ETV6: variants seen among roughly 807,000 people sequenced by gnomAD.
ETV6 encodes ETS variant transcription factor 6.
A neutral mutation model predicts 51.1 loss-of-function variants in ETV6; 16 were observed. The observed-to-expected ratio is 0.31, with a 90% confidence interval of 0.21 to 0.48. The LOEUF (loss-of-function observed/expected upper bound fraction) is 0.48, where lower values mean the gene tolerates loss of function less well. Among genes scored for constraint, ETV6 ranks in the 20% least tolerant of loss-of-function variants. ETV6 has a pLI of 0.99. For missense variants in ETV6, 458 were observed against 594.8 expected, an observed-to-expected ratio of 0.77 and a Z score of 2.39; for synonymous variants, 240 against 224.1, an observed-to-expected ratio of 1.07 and a Z score of -0.64.
chr12:11,885,404 C>T (rs997416360), intron 6 of ETV6, among the ~76,000 whole-genome samples: 1 of 152,248 alleles, frequency 6.6e-6, no homozygotes, highest in African/African-American at 2.4e-5. Context: ...GCTACTCCCA[C>T]TGTACCATTG....
At position 11,832,737 on chromosome 12, in the gene ETV6, C is replaced by T. The variant is rs187800543; in HGVS notation, c.164-6403C>T. Among the ~76,000 whole-genome samples the T allele has an allele frequency of 2.3e-3, 350 of 152,292 alleles. 2 individuals carry two copies. Among genetic ancestry groups the T allele is most frequent in the South Asian group, 9.5e-3 (46 of 4,828 alleles). Reference sequence around the variant, plus strand: ...ATTTCAGGATATCAGGAAGGCGTTTCGTTGAATTTCTGATGTTGCTTTCAT... The same window carrying T: ...ATTTCAGGATATCAGGAAGGCGTTTTGTTGAATTTCTGATGTTGCTTTCAT... On this transcript the variant is annotated intron_variant, in intron 2 of 7. Transcript: ENST00000396373.
intron 1 of ETV6, among the ~76,000 whole-genome samples, chr12:11,685,613 T>C (rs1864614582): frequency 6.6e-6 from 1 of 152,110 alleles, no homozygotes; most frequent in Middle Eastern, 3.2e-3. Flanking sequence ...CACGTGTGTG[T>C]GTATTTTCAT....
intron 2 of ETV6, among the ~76,000 whole-genome samples, chr12:11,781,220 A>G (rs1263481650): frequency 6.6e-6 from 1 of 152,190 alleles, no homozygotes; most frequent in Admixed American, 6.5e-5. Context: ...GACCTCAGAG[A>G]TGATATATTT....
intron 1 of ETV6, among the ~76,000 whole-genome samples, chr12:11,685,636 G>A (rs1864615387): frequency 6.6e-6 from 1 of 152,158 alleles, no homozygotes; most frequent in African/African-American, 2.4e-5. Flanking sequence ...ACATATGAAT[G>A]TGTATGTGGG....
chr12:11,692,857 C>T (rs533060506), intron 1 of ETV6, among the ~76,000 whole-genome samples: 5 of 152,050 alleles, frequency 3.3e-5, no homozygotes, highest in African/African-American at 9.6e-5. Flanking sequence ...CAAGACCAGC[C>T]TGGGCAACAT....
chr12:11,671,684 ACCAAGGC>A (rs914416872), intron 1 of ETV6, among the ~76,000 whole-genome samples: 1 of 152,174 alleles, frequency 6.6e-6, no homozygotes, highest in Admixed American at 6.5e-5. Context: ...GGAATTTCAG[ACCAAGGC>A]CCAAAGCTCG....
intron 2 of ETV6, among the ~76,000 whole-genome samples, chr12:11,825,246 A>G (rs985362053): frequency 6.6e-6 from 1 of 152,262 alleles, no homozygotes; most frequent in South Asian, 2.1e-4. Context: ...CATTTCAGAA[A>G]TGAAGAGTTA....
At chr12:11,889,766 G>T (rs1403569485) in intron 7 of ETV6, among the ~76,000 whole-genome samples, 1 of 152,238 alleles carries the variant, frequency 6.6e-6, no homozygotes, top group Non-Finnish European at 1.5e-5. Context: ...GATGAGCAGA[G>T]CAAAGGATGC....
At chr12:11,847,736 G>C (rs1039416193) in intron 3 of ETV6, among the ~76,000 whole-genome samples, 1 of 152,160 alleles carries the variant, frequency 6.6e-6, no homozygotes, top group Non-Finnish European at 1.5e-5. Context: ...GGAAGGTGAG[G>C]AAGTGGTGAG....
intron 2 of ETV6, among the ~76,000 whole-genome samples, chr12:11,802,254 G>A (rs1945761414): frequency 6.6e-6 from 1 of 152,074 alleles, no homozygotes; most frequent in Admixed American, 6.5e-5. Context: ...TCCCTGGGAT[G>A]GTATTTTCCA....
intron 1 of ETV6, among the ~76,000 whole-genome samples, chr12:11,689,539 G>C (rs968215063): frequency 1.3e-5 from 2 of 152,136 alleles, no homozygotes; most frequent in African/African-American, 4.8e-5. Flanking sequence ...AATGTCCACA[G>C]TTAGGCTAAC....
chr12:11,771,474 G>C (rs1945240689), intron 2 of ETV6, among the ~76,000 whole-genome samples: 1 of 152,176 alleles, frequency 6.6e-6, no homozygotes, highest in South Asian at 2.1e-4. Context: ...AGTGGGGGTA[G>C]AGAAACCCTT....
chr12:11,851,312 A>G (rs1188952785), intron 3 of ETV6, among the ~76,000 whole-genome samples: 1 of 152,170 alleles, frequency 6.6e-6, no homozygotes, highest in Non-Finnish European at 1.5e-5. Flanking sequence ...ATACTACCAA[A>G]AAAACCAGAT....
At chr12:11,651,692 G>A (rs2724647) in intron 1 of ETV6, among the ~76,000 whole-genome samples, 3,158 of 152,204 alleles carry the variant, frequency 0.021, 103 homozygotes, top group African/African-American at 0.071. Flanking sequence ...AAATCCTGCG[G>A]TATAGATAAT....
At chr12:11,729,734 C>T (rs1865557912) in intron 1 of ETV6, among the ~76,000 whole-genome samples, 1 of 152,182 alleles carries the variant, frequency 6.6e-6, no homozygotes, top group Non-Finnish European at 1.5e-5. Flanking sequence ...CTGTACTGGG[C>T]ATTACTATTT....
chr12:11,878,810 A>G (rs1947036198), intron 5 of ETV6, among the ~76,000 whole-genome samples: 1 of 137,740 alleles, frequency 7.3e-6, no homozygotes, highest in African/African-American at 2.8e-5. Context: ...GCTGATCTAG[A>G]ATAGAGGAGG....
At chr12:11,887,331 A>G (rs912092977) in intron 7 of ETV6, among the ~76,000 whole-genome samples, 1 of 152,174 alleles carries the variant, frequency 6.6e-6, no homozygotes, top group Non-Finnish European at 1.5e-5. Context: ...ATCCAGCTCT[A>G]AAATCTCCCT....
chr12:11,890,820 T>C (rs1208765569), intron 7 of ETV6, 121 bp from the exon 8 acceptor site: 1 of 775,454 alleles, frequency 1.3e-6, no homozygotes, highest in Non-Finnish European at 2.2e-6. Context: ...AATCTCGGGG[T>C]TCAGTAGCTC....
rs1302352759 is a variant in ETV6, at chr12:11,891,487, A to AAAGTGCGGC, written c.*445_*453dup. The stretch of plus-strand genomic sequence containing the variant: ...TATATATATTTTTTGCAAATCTCAC[A>AAAGTGCGGC]AAGTGCGGCAAGCCCAGCTGGTCAG... On this transcript the variant is annotated 3_prime_UTR_variant, in exon 8 of 8. Coordinates refer to ENST00000396373, the MANE Select transcript of ETV6 (RefSeq NM_001987.5). 1 of 493,388 alleles carries AAAGTGCGGC rather than the reference A, an allele frequency of 2.0e-6. No homozygotes were observed. Among genetic ancestry groups the AAAGTGCGGC allele is most frequent in the African/African-American group, 1.9e-5 (1 of 51,312 alleles). 30.6% of individuals were successfully genotyped at this position (493,388 alleles called of 1,614,324 possible). A position where few individuals can be genotyped will look rare whatever the true frequency, so the allele number is the denominator to read the frequency against.
Sources: allele counts gnomAD v4.1 joint callset (sites outside exome capture counted in the v4.1 genomes callset), GRCh38; gene constraint gnomAD v4.1.1; transcripts MANE v1.5; gene names NCBI Gene and HGNC (gene_info 2026-07-23, HGNC 2026-07-21).